The following NRG1 variants were observed in gnomAD, a reference collection of about 807,000 sequenced individuals.
NRG1 encodes the protein pro-neuregulin-1, membrane-bound isoform.
A neutral mutation model predicts 63.8 loss-of-function variants in NRG1; 18 were observed. That is an observed-to-expected ratio of 0.28 (90% CI 0.19 to 0.42). The LOEUF (loss-of-function observed/expected upper bound fraction) is 0.42. Ranked by LOEUF, NRG1 falls within the 10% of genes least tolerant of loss-of-function variation. The probability of loss-of-function intolerance (pLI) is 1.00; values close to 1 mark genes in which losing one functional copy is unlikely to be tolerated. For missense variants in NRG1, 762 were observed against 814.7 expected (o/e 0.94, Z 0.79); for synonymous variants, 302 against 301.3 (o/e 1.00, Z -0.02).
chr8:32,421,474 C>T (rs561170673), intron 1 of NRG1, among the ~76,000 whole-genome samples: 15 of 152,166 alleles, frequency 9.9e-5, no homozygotes, highest in East Asian at 3.9e-4. Flanking sequence ...ACAGGCACGC[C>T]GCATGATGAG....
intron 1 of NRG1, among the ~76,000 whole-genome samples, chr8:31,966,908 C>T (rs760470181): frequency 1.3e-5 from 2 of 152,052 alleles, no homozygotes; most frequent in South Asian, 2.1e-4. Context: ...TCTGCCCTAA[C>T]GGAGAGCCAC....
intron 5 of NRG1, among the ~76,000 whole-genome samples, chr8:32,639,002 C>A (rs983024841): frequency 3.3e-5 from 5 of 151,834 alleles, no homozygotes; most frequent in African/African-American, 1.2e-4. Context: ...CCCTTTGGTG[C>A]AACTTTGTAT....
chr8:31,820,753 A>G (rs1483476512), intron 1 of NRG1, among the ~76,000 whole-genome samples: 3 of 152,246 alleles, frequency 2.0e-5, no homozygotes, highest in African/African-American at 7.2e-5. Context: ...AATTACATGT[A>G]GGATATGCAT....
chr8:32,515,971 C>T (rs1002613841), intron 1 of NRG1, among the ~76,000 whole-genome samples: 2 of 152,066 alleles, frequency 1.3e-5, no homozygotes, highest in Non-Finnish European at 2.9e-5. Context: ...GAGGACTTAG[C>T]CATAAATTAT....
intron 1 of NRG1, among the ~76,000 whole-genome samples, chr8:31,704,971 G>A (rs1810999797): frequency 6.6e-6 from 1 of 151,858 alleles, no homozygotes; most frequent in African/African-American, 2.4e-5. Flanking sequence ...AAGATATTTT[G>A]AAATAAAATT....
intron 1 of NRG1, among the ~76,000 whole-genome samples, chr8:32,390,991 T>C (rs1484725826): frequency 1.3e-5 from 2 of 152,244 alleles, no homozygotes; most frequent in Admixed American, 6.5e-5. Context: ...GAAATTGTGA[T>C]GTCTGGTGAC....
chr8:32,190,290 C>A (rs1291734941), intron 1 of NRG1, among the ~76,000 whole-genome samples: 1 of 151,876 alleles, frequency 6.6e-6, no homozygotes, highest in Non-Finnish European at 1.5e-5. Context: ...GACAATATTT[C>A]TAACTGCCCA....
At chr8:31,700,698 A>ATTT (rs1282466147) in intron 1 of NRG1, among the ~76,000 whole-genome samples, 1 of 152,112 alleles carries the variant, frequency 6.6e-6, no homozygotes, top group African/African-American at 2.4e-5. Flanking sequence ...AGTACATGAA[A>ATTT]TTTGTCAGAG....
At chr8:31,991,381 T>TTCTTCTTCTGCTTCG (rs1811061134) in intron 1 of NRG1, among the ~76,000 whole-genome samples, 1 of 151,628 alleles carries the variant, frequency 6.6e-6, no homozygotes, top group South Asian at 2.1e-4. Flanking sequence ...CCTCCTCCTC[T>TTCTTCTTCTGCTTCG]TCTTCTGCTG....
intron 1 of NRG1, among the ~76,000 whole-genome samples, chr8:32,493,187 G>A (rs1421376845): frequency 6.6e-6 from 1 of 152,132 alleles, no homozygotes; most frequent in Non-Finnish European, 1.5e-5. Flanking sequence ...TTGTAAACCA[G>A]AGCCTCTTTT....
Position 32,621,670 on chromosome 8 carries a change from T to C in NRG1, c.502+4785T>C, listed in dbSNP as rs895780479. Among the ~76,000 whole-genome samples the C allele has an allele frequency of 9.2e-5, 14 of 152,198 alleles. No individual in the cohort carries two copies. The East Asian group carries it at 2.7e-3, about 29-fold the overall frequency. On this transcript the variant is annotated intron_variant, in intron 5 of 11. Transcript: ENST00000356819. ...CCCGGGAAAACAGTTGAAGTGGTAA[T>C]ATCTGTTTCAAATATGAATAACAGC...
At chr8:32,143,249 G>T (rs902964762) in intron 1 of NRG1, among the ~76,000 whole-genome samples, 1 of 151,682 alleles carries the variant, frequency 6.6e-6, no homozygotes. Context: ...TTTTTGGGGG[G>T]GGAAGAAATA....
chr8:32,320,965 G>A (rs1368348157), intron 1 of NRG1, among the ~76,000 whole-genome samples: 3 of 152,136 alleles, frequency 2.0e-5, no homozygotes, highest in Non-Finnish European at 4.4e-5. Flanking sequence ...TAAAAGTTTT[G>A]ACAATCTTGT....
chr8:32,251,372 G>A (rs1027599757), intron 1 of NRG1, among the ~76,000 whole-genome samples: 1 of 128,656 alleles, frequency 7.8e-6, no homozygotes, highest in Non-Finnish European at 1.6e-5. Flanking sequence ...CCATGTCCCT[G>A]CAAAGGACAC....
chr8:32,378,644 G>A (rs966501057), intron 1 of NRG1, among the ~76,000 whole-genome samples: 1 of 152,058 alleles, frequency 6.6e-6, no homozygotes, highest in Non-Finnish European at 1.5e-5. Context: ...TATACTTTAA[G>A]TTTTAGGGTA....
intron 5 of NRG1, among the ~76,000 whole-genome samples, chr8:32,626,000 G>A (rs930059610): frequency 6.6e-6 from 1 of 151,824 alleles, no homozygotes; most frequent in Non-Finnish European, 1.5e-5. Context: ...CACCATGTTG[G>A]CCAGGCTGGT....
At chr8:32,267,069 A>G (rs1420442546) in intron 1 of NRG1, among the ~76,000 whole-genome samples, 1 of 149,116 alleles carries the variant, frequency 6.7e-6, no homozygotes, top group Non-Finnish European at 1.5e-5. Context: ...AGAAAGAAAA[A>G]AAGAAAGAGA....
chr8:32,768,546 A>C (rs1477169762), downstream of NRG1, among the ~76,000 whole-genome samples: 1 of 152,204 alleles, frequency 6.6e-6, no homozygotes, highest in Non-Finnish European at 1.5e-5. Flanking sequence ...TTCTGTCAAT[A>C]AAACAAATCA....
intron 1 of NRG1, among the ~76,000 whole-genome samples, chr8:32,275,815 C>T (rs1406000891): frequency 6.6e-6 from 1 of 151,670 alleles, no homozygotes. Context: ...GATGATGCCC[C>T]TGCCTCTACC....
Sources: allele counts gnomAD v4.1 joint callset (sites outside exome capture counted in the v4.1 genomes callset), GRCh38; gene constraint gnomAD v4.1.1; transcripts MANE v1.5; gene names NCBI Gene and HGNC (gene_info 2026-07-23, HGNC 2026-07-21).